Variants in CENPI observed in about 807,000 individuals in gnomAD.
CENPI encodes the protein FSH primary response 1.
A neutral mutation model predicts 60.4 loss-of-function variants in CENPI; 4 were observed. The observed-to-expected ratio is 0.07, with a 90% CI of 0.03 to 0.15. The LOEUF (loss-of-function observed/expected upper bound fraction) is 0.15. Ranked by LOEUF, CENPI falls within the 10% of genes least tolerant of loss-of-function variation. The pLI, the probability that CENPI is intolerant of heterozygous loss-of-function variation, is 1.00. For missense variants in CENPI, 444 were observed against 534.5 expected (o/e 0.83, Z 1.67); for synonymous variants, 157 against 189.4 (o/e 0.83, Z 1.40).
At chrX:101,132,075 C>CA (rs1187679686) in intron 13 of CENPI, 115 bp from the exon 14 acceptor site, 2 of 504,324 alleles carry the variant, frequency 4.0e-6, no homozygotes, top group Non-Finnish European at 3.3e-6. Context: ...ATATTCATGA[C>CA]AAAAAATTAG....
chrX:101,160,320 G>A (rs112343581), intron 20 of CENPI, among the ~76,000 whole-genome samples: 16,810 of 109,324 alleles, frequency 0.15, 970 homozygotes, highest in Middle Eastern at 0.25. Flanking sequence ...TGAAGCAGGA[G>A]CCAAAAGTAG....
intron 6 of CENPI, among the ~76,000 whole-genome samples, chrX:101,115,299 A>T (rs191597956): frequency 0.019 from 1,980 of 102,779 alleles, 44 homozygotes; most frequent in African/African-American, 0.068. Context: ...TTTTTTTTTT[A>T]AATTTGAGAT....
intron 16 of CENPI, among the ~76,000 whole-genome samples, 170 bp from the exon 17 acceptor site, chrX:101,144,894 G>C (rs768045993): frequency 4.5e-5 from 5 of 111,960 alleles, no homozygotes; most frequent in African/African-American, 1.6e-4. Flanking sequence ...AGGGCTAAGT[G>C]TAGTTTTATG....
chrX:101,156,997 C>A (rs1328768624), intron 20 of CENPI, among the ~76,000 whole-genome samples: 2 of 111,109 alleles, frequency 1.8e-5, no homozygotes, highest in Admixed American at 9.7e-5. Context: ...ATAATGACTT[C>A]TTTTCCTCTG....
chrX:101,146,474 A>G (rs2089962746), intron 18 of CENPI, among the ~76,000 whole-genome samples, 197 bp downstream of exon 18: 1 of 111,357 alleles, frequency 9.0e-6, no homozygotes, highest in Admixed American at 9.6e-5. Flanking sequence ...TGCTGTGGCT[A>G]CAGAATAAAA....
chrX:101,139,983 C>T (rs372989778), intron 15 of CENPI, among the ~76,000 whole-genome samples: 1,352 of 109,822 alleles, frequency 0.012, 7 homozygotes, highest in Middle Eastern at 0.09. Flanking sequence ...TACAGGCGCC[C>T]GCCACCACGC....
At position 101,103,229 on chromosome X, in the gene CENPI, C is replaced by T. The variant is rs772267876; in HGVS notation, c.364+818C>T. Among the ~76,000 whole-genome samples, 8 of 109,376 alleles carry T rather than the reference C, an allele frequency of 7.3e-5. No individual in the cohort carries two copies. The East Asian group carries it at 2.0e-3, about 28-fold the overall frequency. 95.0% of individuals were successfully genotyped at this position (109,376 alleles called of 115,157 possible). The stretch of plus-strand genomic sequence containing the variant: ...CAGACTGGTCTTGAACTCCTGACCT[C>T]GTGATCCACCCGCCTCGGCCTCCCA... On this transcript the variant is annotated intron_variant, in intron 4 of 21. Coordinates refer to ENST00000682095, the MANE Select transcript of CENPI (RefSeq NM_001386188.2).
At chrX:101,141,667 T>A (rs888351818) in intron 16 of CENPI, among the ~76,000 whole-genome samples, 6 of 111,015 alleles carry the variant, frequency 5.4e-5, no homozygotes, top group African/African-American at 2.0e-4. Flanking sequence ...ATAAAGAAAT[T>A]CCACTTAAAC....
intron 15 of CENPI, among the ~76,000 whole-genome samples, 175 bp from the exon 16 acceptor site, chrX:101,140,491 G>C (rs774858886): frequency 4.5e-5 from 5 of 112,348 alleles, no homozygotes; most frequent in African/African-American, 1.3e-4. Flanking sequence ...AAATAAACTT[G>C]TACTTGGCAT....
chrX:101,145,979 G>T (rs1444766616), intron 17 of CENPI, among the ~76,000 whole-genome samples, 174 bp from the exon 18 acceptor site: 2 of 110,322 alleles, frequency 1.8e-5, no homozygotes, highest in Non-Finnish European at 3.8e-5. Context: ...TAGTGTGGCT[G>T]ATGTTTGGTG....
downstream of CENPI, among the ~76,000 whole-genome samples, chrX:101,170,702 A>G (rs1213131187): frequency 3.6e-5 from 4 of 111,270 alleles, no homozygotes; most frequent in East Asian, 5.6e-4. Flanking sequence ...TGGTGCAGTC[A>G]TGTCTCACTG....
At chrX:101,148,799 A>C (rs1379263849) in intron 20 of CENPI, among the ~76,000 whole-genome samples, 2 of 111,764 alleles carry the variant, frequency 1.8e-5, no homozygotes, top group Non-Finnish European at 3.8e-5. Context: ...ATTTGGACTC[A>C]GGATTCCCTT....
At chrX:101,153,234 T>C (rs898927519) in intron 20 of CENPI, among the ~76,000 whole-genome samples, 2 of 111,513 alleles carry the variant, frequency 1.8e-5, no homozygotes, top group African/African-American at 6.5e-5. Context: ...TATATTTTCT[T>C]TGGAGAAATG....
At chrX:101,098,408 G>T (rs766841531) in intron 1 of CENPI, 36 bp from the exon 2 acceptor site, 1 of 111,246 alleles carries the variant, frequency 9.0e-6, no homozygotes, top group Non-Finnish European at 1.9e-5. Flanking sequence ...TCAACTGGGT[G>T]GGGTCAGAAG....
Position 101,149,797 on chromosome X carries a change from G to A in CENPI, c.2094+1636G>A, listed in dbSNP as rs191196096. 8.1e-5 allele frequency among the ~76,000 whole-genome samples: 9 copies of A among 110,728 alleles called. No individual in the cohort carries two copies. In the East Asian group the frequency reaches 2.3e-3, roughly 28 times the overall value. On this transcript the variant is annotated intron_variant, in intron 20 of 21. Coordinates refer to ENST00000682095, the MANE Select transcript of CENPI (RefSeq NM_001386188.2). ...GCTGAGATTATAGGCATGAGCCACC[G>A]CGCCCGGCCAGTGGTGCTTTTTCAA... is the stretch of plus-strand genomic sequence containing the variant.
chrX:101,139,314 C>T lies in CENPI; in HGVS notation c.1471-1352C>T, dbSNP rs777709359. ...TTCACCATGCTGGCCAGGCTGATCTCGAACTCCTGACCTCAGGTAATCTGC... is the reference window on the plus strand; with the variant it reads ...TTCACCATGCTGGCCAGGCTGATCTTGAACTCCTGACCTCAGGTAATCTGC... On this transcript the variant is annotated intron_variant, in intron 15 of 21. Coordinates refer to ENST00000682095, the MANE Select transcript of CENPI (RefSeq NM_001386188.2). Among the ~76,000 whole-genome samples the T allele has an allele frequency of 3.0e-4, 32 of 107,981 alleles. 1 individual carries two copies. In the East Asian group the frequency reaches 8.1e-3, roughly 27 times the overall value. 93.8% of individuals were successfully genotyped at this position (107,981 alleles called of 115,157 possible).
chrX:101,109,523 A>G lies in CENPI; in HGVS notation c.415A>G (p.Ile139Val), dbSNP rs759691657. 1.7e-5 allele frequency: 21 copies of G among 1,209,254 alleles called. No homozygotes were observed. The highest frequency in any genetic ancestry group is 8.7e-5 in the African/African-American group (5 of 57,394). The change falls in exon 5 of 22, where the codon ATA becomes GTA. Residue 139 changes from isoleucine to valine, a missense_variant. Ile to Val is a conservative substitution (Grantham distance 29). Coordinates refer to ENST00000682095, the MANE Select transcript of CENPI (RefSeq NM_001386188.2). ...GAAGTGCATGATCCCAGCAACAGTAATATCAGAAGATTCTGTGGTTAAGGC... is the reference window on the plus strand; with the variant it reads ...GAAGTGCATGATCCCAGCAACAGTAGTATCAGAAGATTCTGTGGTTAAGGC... ...ILKCMIPATV[I>V]SEDSVVKAVS...
intron 18 of CENPI, 135 bp downstream of exon 18, chrX:101,146,412 A>G: frequency 8.3e-6 from 5 of 600,306 alleles, no homozygotes; most frequent in Non-Finnish European, 1.2e-5. Context: ...TTGCTTTTGG[A>G]CATGACCTTC....
At position 101,165,437 on chromosome X, in the gene CENPI, A is replaced by G. The variant is rs987232912; in HGVS notation, c.*2470A>G. 9.0e-6 allele frequency among the ~76,000 whole-genome samples: 1 copy of G among 111,407 alleles called. No homozygotes were observed. The highest frequency in any genetic ancestry group is 1.9e-5 in the Non-Finnish European group (1 of 53,086). On this transcript the variant is annotated 3_prime_UTR_variant, in exon 22 of 22. Coordinates refer to ENST00000682095, the MANE Select transcript of CENPI (RefSeq NM_001386188.2). ...TAGCTTGGATATGAGGAGGAAAAGG[A>G]GAGGAGTAAAGGATGACTCAGATTT...
Sources: allele counts gnomAD v4.1 joint callset (sites outside exome capture counted in the v4.1 genomes callset), GRCh38; gene constraint gnomAD v4.1.1; transcripts MANE v1.5; gene names NCBI Gene and HGNC (gene_info 2026-07-23, HGNC 2026-07-21).